The following GABRB1 variants were observed in gnomAD, a reference collection of about 807,000 sequenced individuals.
GABRB1 encodes the protein gamma-aminobutyric acid type A receptor subunit beta1.
Under a neutral mutation model 51.6 loss-of-function variants are expected in GABRB1, and 17 were observed. The observed-to-expected ratio is 0.33, with a 90% confidence interval of 0.23 to 0.49. The LOEUF is 0.49. Among genes scored for constraint, GABRB1 ranks in the 20% least tolerant of loss-of-function variants. The pLI is 0.99. For synonymous variants in GABRB1, 247 were observed against 218.9 expected (o/e 1.13, Z -1.14); for missense variants, 410 against 600.6 (o/e 0.68, Z 3.32).
chr4:47,179,913 A>G (rs576372312), intron 4 of GABRB1, among the ~76,000 whole-genome samples: 1 of 152,106 alleles, frequency 6.6e-6, no homozygotes, highest in African/African-American at 2.4e-5. Context: ...ACTCCAAATT[A>G]CTATTGCTAG....
intron 5 of GABRB1, among the ~76,000 whole-genome samples, chr4:47,364,381 GA>G (rs1726906721): frequency 1.3e-5 from 2 of 151,980 alleles, no homozygotes; most frequent in Non-Finnish European, 2.9e-5. Context: ...AAAAAGATCA[GA>G]CAAAGTAGAA....
At chr4:47,386,765 A>T (rs1430665491) in intron 5 of GABRB1, among the ~76,000 whole-genome samples, 1 of 152,232 alleles carries the variant, frequency 6.6e-6, no homozygotes, top group East Asian at 1.9e-4. Flanking sequence ...ACTTAAGCTG[A>T]TGAAATTGAA....
intron 4 of GABRB1, among the ~76,000 whole-genome samples, chr4:47,176,361 ACT>A (rs1224028378): frequency 6.6e-6 from 1 of 152,146 alleles, no homozygotes; most frequent in Non-Finnish European, 1.5e-5. Flanking sequence ...AAATTAGTGC[ACT>A]GATTGATTTG....
chr4:47,150,167 TACAC>T (rs1338758936), intron 3 of GABRB1, among the ~76,000 whole-genome samples: 4 of 140,716 alleles, frequency 2.8e-5, no homozygotes, highest in Non-Finnish European at 4.5e-5. Context: ...CCTATGCTTA[TACAC>T]ACACACACAC....
At chr4:47,260,119 T>A (rs1722370480) in intron 4 of GABRB1, among the ~76,000 whole-genome samples, 1 of 152,208 alleles carries the variant, frequency 6.6e-6, no homozygotes, top group African/African-American at 2.4e-5. Flanking sequence ...TGGTTTAAAG[T>A]CTGTTTTATC....
chr4:47,273,860 T>TACATACAC (rs537173920), intron 4 of GABRB1, among the ~76,000 whole-genome samples: 2,123 of 48,508 alleles, frequency 0.044, 31 homozygotes, highest in East Asian at 0.06. Flanking sequence ...AAACCATATA[T>TACATACAC]ACATACACAC....
chr4:47,033,610 T>A (rs979218229), intron 3 of GABRB1, among the ~76,000 whole-genome samples: 1 of 152,234 alleles, frequency 6.6e-6, no homozygotes, highest in Non-Finnish European at 1.5e-5. Context: ...TTGAATTGTC[T>A]TTCATTTCAT....
At chr4:47,069,000 C>A (rs1465263804) in intron 3 of GABRB1, among the ~76,000 whole-genome samples, 1 of 152,204 alleles carries the variant, frequency 6.6e-6, no homozygotes, top group African/African-American at 2.4e-5. Flanking sequence ...TTTTATCACT[C>A]TGGGCATTTA....
chr4:47,161,260 C>T lies in GABRB1; in HGVS notation c.252C>T (p.Leu84=), dbSNP rs1286006170. 3 of 1,590,006 alleles carry T rather than the reference C, an allele frequency of 1.9e-6. No homozygotes were observed. The highest frequency in any genetic ancestry group is 3.4e-5 in the Admixed American group (2 of 59,566). Residue 84 remains leucine, a synonymous_variant, in exon 4 of 9, where the codon CTC becomes CTT. Coordinates refer to ENST00000295454, the MANE Select transcript of GABRB1 (RefSeq NM_000812.4). Reference sequence around the variant, plus strand: ...TCTTTATTTCACAGGATTATACACTCACCATGTATTTCCAGCAGTCTTGGA... The same window carrying T: ...TCTTTATTTCACAGGATTATACACTTACCATGTATTTCCAGCAGTCTTGGA... ...MVSEVNMDYT[L]TMYFQQSWKD...
At chr4:47,416,004 A>G (rs1728904769) in intron 8 of GABRB1, among the ~76,000 whole-genome samples, 1 of 152,206 alleles carries the variant, frequency 6.6e-6, no homozygotes, top group Non-Finnish European at 1.5e-5. Flanking sequence ...AGTTCTGGAA[A>G]AGCAAGGAGG....
chr4:47,266,473 A>ATT (rs1722646154), intron 4 of GABRB1, among the ~76,000 whole-genome samples: 1 of 152,068 alleles, frequency 6.6e-6, no homozygotes, highest in Non-Finnish European at 1.5e-5. Context: ...TGGCATCGGT[A>ATT]TTTTGAAAGG....
At chr4:47,243,432 T>C (rs1188450691) in intron 4 of GABRB1, among the ~76,000 whole-genome samples, 12 of 152,204 alleles carry the variant, frequency 7.9e-5, no homozygotes, top group Admixed American at 7.9e-4. Flanking sequence ...AGAAAGTCAT[T>C]GGTAGCTTGA....
intron 3 of GABRB1, among the ~76,000 whole-genome samples, chr4:47,053,997 C>T (rs1398795296): frequency 6.6e-6 from 1 of 151,966 alleles, no homozygotes; most frequent in Non-Finnish European, 1.5e-5. Flanking sequence ...ATATACTTTT[C>T]CTATCCTTTA....
chr4:47,095,476 C>T (rs1375853801), intron 3 of GABRB1, among the ~76,000 whole-genome samples: 1 of 152,186 alleles, frequency 6.6e-6, no homozygotes, highest in East Asian at 1.9e-4. Flanking sequence ...TAGGAACTTA[C>T]CCGGCACATG....
At chr4:47,377,369 C>T (rs1440116625) in intron 5 of GABRB1, among the ~76,000 whole-genome samples, 2 of 145,374 alleles carry the variant, frequency 1.4e-5, no homozygotes, top group Non-Finnish European at 3.0e-5. Context: ...TTCTTAAAGG[C>T]GTCGTGTCCG....
chr4:47,425,997 T>C lies in GABRB1; in HGVS notation c.1404T>C (p.Tyr468=). Residue 468 remains tyrosine, a synonymous_variant, in exon 9 of 9, where the codon TAT becomes TAC. Coordinates refer to ENST00000295454, the MANE Select transcript of GABRB1 (RefSeq NM_000812.4). ...CCTTTTCTCTTTTTAATGTCGTCTA[T>C]TGGCTTTACTATGTACACTGAGGTC... ...PITFSLFNVV[Y]WLYYVH 2 of 1,599,212 alleles carry C rather than the reference T, an allele frequency of 1.3e-6. No individual in the cohort carries two copies. Among genetic ancestry groups the C allele is most frequent in the Non-Finnish European group, 1.7e-6 (2 of 1,171,554 alleles).
chr4:47,232,518 T>A (rs942309161), intron 4 of GABRB1, among the ~76,000 whole-genome samples: 3 of 152,178 alleles, frequency 2.0e-5, no homozygotes, highest in African/African-American at 7.2e-5. Flanking sequence ...TTTAAAAGTA[T>A]CTTTTGATGA....
At chr4:47,192,596 T>C (rs137925495) in intron 4 of GABRB1, among the ~76,000 whole-genome samples, 5 of 152,216 alleles carry the variant, frequency 3.3e-5, no homozygotes, top group Non-Finnish European at 7.3e-5. Context: ...CATTTATAAA[T>C]AAATGTGTTA....
chr4:47,231,460 G>A (rs956755716), intron 4 of GABRB1, among the ~76,000 whole-genome samples: 4 of 152,052 alleles, frequency 2.6e-5, no homozygotes, highest in Admixed American at 6.6e-5. Flanking sequence ...ACTAAAAGCT[G>A]GAAATGTTCT....
Sources: allele counts gnomAD v4.1 joint callset (sites outside exome capture counted in the v4.1 genomes callset), GRCh38; gene constraint gnomAD v4.1.1; transcripts MANE v1.5; gene names NCBI Gene and HGNC (gene_info 2026-07-23, HGNC 2026-07-21).